CCDC57: variants seen among roughly 807,000 people sequenced by gnomAD.
CCDC57 encodes coiled-coil domain containing 57.
CCDC57 carries 118 observed loss-of-function variants against 118.9 expected under a neutral mutation model. That is an observed-to-expected ratio of 0.99 (90% CI 0.86 to 1.16). The LOEUF (loss-of-function observed/expected upper bound fraction) is 1.16. Among genes scored for constraint, CCDC57 ranks in the 50% most tolerant of loss-of-function variants. CCDC57 has a pLI of 0.00. For missense variants in CCDC57, 1,300 were observed against 1,320.7 expected, an observed-to-expected ratio of 0.98 and a Z score of 0.24; for synonymous variants, 527 against 532.9, an observed-to-expected ratio of 0.99 and a Z score of 0.15.
intron 19 of CCDC57, among the ~76,000 whole-genome samples, chr17:82,115,279 A>G (rs1443414373): frequency 1.8e-5 from 2 of 113,932 alleles, no homozygotes; most frequent in African/African-American, 7.2e-5. Context: ...AGAGGGGGCA[A>G]GAGGGGGCAA....
exon 13 of CCDC57, chr17:82,171,831 T>C: frequency 6.2e-7 from 1 of 1,613,716 alleles, no homozygotes; most frequent in South Asian, 1.1e-5. Flanking sequence ...TTCGTATTTC[T>C]GCTTCAAGGG....
chr17:82,184,031 G>GCGCGCGCGCGCACACA lies in CCDC57; in HGVS notation c.1053-100_1053-99insTGTGTGCGCGCGCGCG. On this transcript the variant is annotated intron_variant, in intron 8 of 19. Coordinates refer to ENST00000665763, the Ensembl canonical transcript of CCDC57. ...CAAATACACATGCGCGCGCGCGCGC[G>GCGCGCGCGCGCACACA]CACACACACACACACACACACACAC... 203 of 131,870 alleles carry GCGCGCGCGCGCACACA rather than the reference G, an allele frequency of 1.5e-3. 1 individual carries two copies. Among genetic ancestry groups the GCGCGCGCGCGCACACA allele is most frequent in the Non-Finnish European group, 2.4e-3 (159 of 67,648 alleles). 8.2% of individuals were successfully genotyped at this position (131,870 alleles called of 1,614,324 possible). A position where few individuals can be genotyped will look rare whatever the true frequency, so the allele number is the denominator to read the frequency against.
chr17:82,109,339 C>A (rs115273668), intron 19 of CCDC57, among the ~76,000 whole-genome samples: 1,547 of 152,334 alleles, frequency 0.01, 24 homozygotes, highest in African/African-American at 0.036. Context: ...TCTGTGAGCC[C>A]GGTGTGAGCT....
chr17:82,108,903 C>T (rs1400967919), intron 19 of CCDC57: 1 of 152,128 alleles, frequency 6.6e-6, no homozygotes, highest in Non-Finnish European at 1.5e-5. Flanking sequence ...GGAGTGGGCG[C>T]GTGCTCACAC....
At chr17:82,127,053 A>C (rs922034289) in intron 19 of CCDC57, 1 of 985,236 alleles carries the variant, frequency 1.0e-6, no homozygotes, top group African/African-American at 1.7e-5. Flanking sequence ...CACAAGGTGC[A>C]CCCTTCAAAC....
intron 13 of CCDC57, among the ~76,000 whole-genome samples, chr17:82,170,659 C>T (rs1484830963): frequency 1.3e-5 from 2 of 151,960 alleles, no homozygotes; most frequent in Non-Finnish European, 2.9e-5. Flanking sequence ...GGAACCCACC[C>T]TGCCGGCAAC....
intron 16 of CCDC57, among the ~76,000 whole-genome samples, chr17:82,148,747 A>ACAGATGGACGGGTGGATGAATACATGG (rs2041348941): frequency 5.2e-5 from 1 of 19,224 alleles, no homozygotes; most frequent in Admixed American, 8.3e-4. Flanking sequence ...TGGGTGGGTG[A>ACAGATGGACGGGTGGATGAATACATGG]ATGGGTGGGT....
intron 19 of CCDC57, among the ~76,000 whole-genome samples, chr17:82,115,852 C>T (rs534897491): frequency 2.6e-4 from 33 of 129,278 alleles, no homozygotes; most frequent in African/African-American, 9.3e-4. Flanking sequence ...GGCTGGAGTG[C>T]AGTGGTAAGA....
At chr17:82,127,464 C>T (rs959509318) in intron 19 of CCDC57, 29 of 985,190 alleles carry the variant, frequency 2.9e-5, no homozygotes, top group Admixed American at 6.2e-5. Flanking sequence ...TACGGTGCTG[C>T]ACTAGGAAAT....
rs752574881 is a variant in CCDC57 at position 82,157,753 on chromosome 17, TC to T, written c.2235del (p.Arg746GlufsTer41). ...AGGAGCTAGCGGGCACCCACCTCTC[TC>T]CCAAGGGCCACGGCGTCCGAGGCTG... On this transcript the variant is annotated frameshift_variant, in exon 15 of 20. Coordinates refer to ENST00000665763, the Ensembl canonical transcript of CCDC57. LOFTEE classifies it high-confidence loss of function. 2 of 1,593,678 alleles carry T rather than the reference TC, an allele frequency of 1.3e-6. No individual in the cohort carries two copies. The highest frequency in any genetic ancestry group is 1.7e-6 in the Non-Finnish European group (2 of 1,172,706).
At chr17:82,123,024 C>A (rs1445991145) in intron 19 of CCDC57, among the ~76,000 whole-genome samples, 3 of 152,058 alleles carry the variant, frequency 2.0e-5, no homozygotes, top group Admixed American at 6.5e-5. Context: ...GTGACCTTCA[C>A]CTTGCAAAAA....
At chr17:82,137,448 T>C (rs1014526108) in intron 16 of CCDC57, among the ~76,000 whole-genome samples, 3 of 152,236 alleles carry the variant, frequency 2.0e-5, no homozygotes, top group Admixed American at 2.0e-4. Flanking sequence ...TGTTGACTTA[T>C]TATGTCTTGA....
At chr17:82,127,452 T>C (rs1270195024) in intron 19 of CCDC57, 2 of 984,960 alleles carry the variant, frequency 2.0e-6, no homozygotes, top group Non-Finnish European at 2.4e-6. Flanking sequence ...TGCGCCCGGG[T>C]GTACGGTGCT....
chr17:82,188,182 G>A (rs1292963400), intron 8 of CCDC57, 37 bp downstream of exon 7: 2 of 1,509,288 alleles, frequency 1.3e-6, no homozygotes, highest in African/African-American at 2.8e-5. Flanking sequence ...GGCCGTCCCT[G>A]CCCTCACCCT....
At position 82,128,602 on chromosome 17, in the gene CCDC57, C is replaced by T. The variant is rs1451306854; in HGVS notation, c.2578-5G>A. ...ATCCTCGGCACTCTTGGCGTCCTGC[C>T]GTGGGGATTTAAATGAGAGGACTCT... On this transcript the variant is annotated splice_polypyrimidine_tract_variant and splice_region_variant and intron_variant, in intron 17 of 19. Coordinates refer to ENST00000665763, the Ensembl canonical transcript of CCDC57. 12 of 1,555,952 alleles carry T rather than the reference C, an allele frequency of 7.7e-6. No homozygotes were observed. Among genetic ancestry groups the T allele is most frequent in the East Asian group, 2.4e-5 (1 of 41,572 alleles).
intron 19 of CCDC57, chr17:82,113,735 C>A: frequency 1.4e-6 from 1 of 704,112 alleles, no homozygotes; most frequent in Non-Finnish European, 2.6e-6. Context: ...GAGTTCGAGA[C>A]CAGCCTGGGT....
At chr17:82,138,719 G>GTCGGAAGAGACGCGTGGCCTGCCCCGGGT in intron 16 of CCDC57, among the ~76,000 whole-genome samples, 9 of 151,728 alleles carry the variant, frequency 5.9e-5, no homozygotes, top group African/African-American at 1.7e-4. Context: ...CCTGCCCCGG[G>GTCGGAAGAGACGCGTGGCCTGCCCCGGGT]CTGTGTGTGT....
At chr17:82,113,652 G>C in intron 19 of CCDC57, 1 of 717,244 alleles carries the variant, frequency 1.4e-6, no homozygotes, top group Non-Finnish European at 2.6e-6. Flanking sequence ...CTCCACGCCA[G>C]GCTGGGCGTG....
At chr17:82,112,895 T>C (rs1242813881) in intron 19 of CCDC57, 1 of 158,050 alleles carries the variant, frequency 6.3e-6, no homozygotes, top group African/African-American at 2.4e-5. Context: ...TCATATACTT[T>C]GTCCAGTTTT....
Sources: gnomAD v4.1 joint callset for allele counts (sites outside exome capture counted in the v4.1 genomes callset) on GRCh38, gnomAD v4.1.1 for gene constraint, MANE v1.5 for transcripts, NCBI Gene and HGNC (gene_info 2026-07-23, HGNC 2026-07-21) for gene names.